The following CACNA1C variants were observed in gnomAD, a reference collection of about 807,000 sequenced individuals.
CACNA1C encodes the protein voltage-dependent L-type calcium channel subunit alpha-1C.
In CACNA1C, 30 loss-of-function variants were observed where a neutral mutation model predicts 229.0. The observed-to-expected ratio is 0.13, with a 90% CI of 0.10 to 0.18. CACNA1C has a LOEUF of 0.18. Ranked by LOEUF, CACNA1C falls within the 10% of genes least tolerant of loss-of-function variation. CACNA1C has a pLI of 1.00. For synonymous variants in CACNA1C, 1,114 were observed against 1,132.5 expected, an observed-to-expected ratio of 0.98 and a Z score of 0.33; for missense variants, 1,658 against 2,845.0, an observed-to-expected ratio of 0.58 and a Z score of 9.49.
intron 3 of CACNA1C, among the ~76,000 whole-genome samples, chr12:2,306,788 C>T (rs1023599866): frequency 6.6e-6 from 1 of 152,210 alleles, no homozygotes; most frequent in Non-Finnish European, 1.5e-5. Context: ...CTTTGATATG[C>T]AAATGTCCTT....
At position 2,105,559 on chromosome 12, in the gene CACNA1C, C is replaced by T. The variant is rs112046519; in HGVS notation, c.50-9665C>T. Among the ~76,000 whole-genome samples the T allele has an allele frequency of 9.2e-3, 1,392 of 151,086 alleles. 38 individuals carry two copies. The highest frequency in any genetic ancestry group is 0.033 in the African/African-American group (1,317 of 40,420). On this transcript the variant is annotated intron_variant, in intron 1 of 46. Transcript: ENST00000399655. The stretch of plus-strand genomic sequence containing the variant: ...AGATGCGGCATGGCGGCGGGCGCAT[C>T]GGGAAACCACTGGGCGCCCACCCCG...
intron 3 of CACNA1C, among the ~76,000 whole-genome samples, chr12:2,393,085 G>A (rs1031086399): frequency 5.9e-5 from 9 of 152,126 alleles, no homozygotes; most frequent in African/African-American, 1.7e-4. Context: ...GAGCTGCTCC[G>A]GAGTCAACAG....
chr12:2,550,132 A>G (rs1358762107), intron 10 of CACNA1C, 99 bp downstream of exon 10: 4 of 871,714 alleles, frequency 4.6e-6, no homozygotes, highest in African/African-American at 1.7e-5. Context: ...ATCACTAGGA[A>G]GGGCAGAGAT....
chr12:2,681,696 GTCC>G (rs1177385127), intron 42 of CACNA1C, among the ~76,000 whole-genome samples: 184 of 151,750 alleles, frequency 1.2e-3, no homozygotes, highest in African/African-American at 3.9e-3. Context: ...GCAGTCTGCA[GTCC>G]TCCTCCTCGA....
At chr12:2,525,159 C>T (rs2099816459) in intron 9 of CACNA1C, among the ~76,000 whole-genome samples, 1 of 151,974 alleles carries the variant, frequency 6.6e-6, no homozygotes, top group Non-Finnish European at 1.5e-5. Context: ...TAAGGAGGAG[C>T]CACCGAAGAG....
At chr12:2,422,281 C>G (rs145216553) in intron 3 of CACNA1C, among the ~76,000 whole-genome samples, 270 of 152,246 alleles carry the variant, frequency 1.8e-3, no homozygotes, top group African/African-American at 6.4e-3. Flanking sequence ...TGGCTTTTGG[C>G]TAGGAAGATA....
At chr12:2,385,004 G>C in intron 3 of CACNA1C, among the ~76,000 whole-genome samples, 1 of 152,208 alleles carries the variant, frequency 6.6e-6, no homozygotes, top group Admixed American at 6.5e-5. Flanking sequence ...TGAAAGGAGG[G>C]AGATGAGAGC....
intron 1 of CACNA1C, among the ~76,000 whole-genome samples, chr12:2,113,426 G>A (rs955508216): frequency 6.6e-6 from 1 of 152,114 alleles, no homozygotes; most frequent in African/African-American, 2.4e-5. Flanking sequence ...TGGGAGAGGC[G>A]CCAAGTGTTC....
chr12:1,995,867 C>T (rs941845868), intron 1 of CACNA1C, among the ~76,000 whole-genome samples: 1 of 152,086 alleles, frequency 6.6e-6, no homozygotes, highest in Non-Finnish European at 1.5e-5. Flanking sequence ...AACTCTAAAC[C>T]ATCTCCAGCC....
rs571260702 is a variant in CACNA1C, at chr12:2,341,557, G to A, written c.478-107419G>A. Among the ~76,000 whole-genome samples the A allele has an allele frequency of 2.4e-4, 36 of 152,322 alleles. No homozygotes were observed. In the South Asian group the frequency reaches 7.3e-3, roughly 31 times the overall value. ...GGCCCCTGTGCACACCTGAGAGGCA[G>A]CCTCCCGCGGAGCCCTGCTGGACTG... On this transcript the variant is annotated intron_variant, in intron 3 of 46. Transcript: ENST00000399655.
intron 3 of CACNA1C, among the ~76,000 whole-genome samples, chr12:2,265,998 TAAC>T (rs546318784): frequency 3.2e-4 from 48 of 152,366 alleles, no homozygotes; most frequent in African/African-American, 1.1e-3. Flanking sequence ...CACTGTATCT[TAAC>T]AATCTGATGA....
intron 3 of CACNA1C, among the ~76,000 whole-genome samples, chr12:2,309,584 T>C (rs2095307420): frequency 6.6e-6 from 1 of 152,328 alleles, no homozygotes; most frequent in East Asian, 1.9e-4. Context: ...CATCATGTTG[T>C]ACACCTTAAA....
At chr12:1,985,107 G>C (rs375856111) in intron 1 of CACNA1C, among the ~76,000 whole-genome samples, 1 of 151,410 alleles carries the variant, frequency 6.6e-6, no homozygotes, top group Non-Finnish European at 1.5e-5. Context: ...GGTTTTCTTT[G>C]GGTTTATTCT....
chr12:2,391,587 C>T (rs1291685232), intron 3 of CACNA1C, among the ~76,000 whole-genome samples: 2 of 134,820 alleles, frequency 1.5e-5, no homozygotes, highest in Non-Finnish European at 3.3e-5. Context: ...GGAGCCATGA[C>T]AGTGGGCGGG....
chr12:2,420,365 G>A (rs1469569923), intron 3 of CACNA1C, among the ~76,000 whole-genome samples: 2 of 152,146 alleles, frequency 1.3e-5, no homozygotes, highest in Admixed American at 1.3e-4. Flanking sequence ...CTGAGGCTGT[G>A]GGAGGGATGG....
chr12:2,304,038 G>A (rs2094806658), intron 3 of CACNA1C, among the ~76,000 whole-genome samples: 1 of 152,218 alleles, frequency 6.6e-6, no homozygotes, highest in Non-Finnish European at 1.5e-5. Context: ...CTGGTGAGAT[G>A]TGGGCTTTTC....
At chr12:2,583,480 C>A (rs991656147) in intron 15 of CACNA1C, among the ~76,000 whole-genome samples, 3 of 152,230 alleles carry the variant, frequency 2.0e-5, no homozygotes, top group Admixed American at 1.3e-4. Flanking sequence ...GGGCAGGTTT[C>A]CAGGGCACAA....
At position 2,605,553 on chromosome 12, in the gene CACNA1C, C is replaced by G. The variant is rs112427283; in HGVS notation, c.3049-126C>G. On this transcript the variant is annotated intron_variant, in intron 23 of 46. Coordinates refer to ENST00000399655, the MANE Select transcript of CACNA1C (RefSeq NM_000719.7). This position sits in a 1 kb window ranked among gnomAD's most constrained non-coding sequence, Gnocchi z 6.2. ...ATCACTTCCCATGTGACTTTGGGAG[C>G]GTGGCTTTGCCCCTCTCAGCCCAAT... The G allele has an allele frequency of 5.6e-6, 4 of 710,126 alleles. No individual in the cohort carries two copies. Among genetic ancestry groups the G allele is most frequent in the Non-Finnish European group, 1.0e-5 (4 of 390,462 alleles). 44.0% of individuals were successfully genotyped at this position (710,126 alleles called of 1,614,324 possible).
At chr12:2,097,580 G>A (rs2074746525) in intron 1 of CACNA1C, among the ~76,000 whole-genome samples, 2 of 152,068 alleles carry the variant, frequency 1.3e-5, no homozygotes, top group East Asian at 1.9e-4. Context: ...TGATTTTTTC[G>A]ATAATAGCCG....
Sources: gnomAD v4.1 joint callset for allele counts (sites outside exome capture counted in the v4.1 genomes callset) on GRCh38, gnomAD v4.1.1 for gene constraint, Gnocchi (gnomAD v3.1) non-coding constraint, MANE v1.5 for transcripts, NCBI Gene and HGNC (gene_info 2026-07-23, HGNC 2026-07-21) for gene names.